SVEP1: variants seen among roughly 807,000 people sequenced by gnomAD.
SVEP1 encodes sushi, von Willebrand factor type A, EGF and pentraxin domain-containing protein 1.
Under a neutral mutation model 367.3 loss-of-function variants are expected in SVEP1, and 164 were observed. The ratio of observed to expected loss-of-function variants is 0.45; its 90% CI spans 0.39 to 0.51. The LOEUF (loss-of-function observed/expected upper bound fraction) is 0.51. SVEP1 is among the 20% of genes least tolerant of loss of function. The pLI is 0.00. For synonymous variants in SVEP1, 1,666 were observed against 1,611.6 expected, an observed-to-expected ratio of 1.03 and a Z score of -0.81; for missense variants, 4,117 against 4,425.3, an observed-to-expected ratio of 0.93 and a Z score of 1.98.
chr9:110,545,460 C>T (rs1027058956), intron 3 of SVEP1, among the ~76,000 whole-genome samples: 3 of 152,148 alleles, frequency 2.0e-5, no homozygotes, highest in Non-Finnish European at 4.4e-5. Context: ...AGTAGTCATT[C>T]CAATTCCATT....
At chr9:110,532,438 C>A (rs920179255) in intron 3 of SVEP1, among the ~76,000 whole-genome samples, 8 of 152,004 alleles carry the variant, frequency 5.3e-5, no homozygotes, top group African/African-American at 1.9e-4. Flanking sequence ...AACGGACACA[C>A]AAGGCATGAG....
chr9:110,540,244 G>T (rs1266181055), intron 3 of SVEP1, among the ~76,000 whole-genome samples: 1 of 152,000 alleles, frequency 6.6e-6, no homozygotes, highest in African/African-American at 2.4e-5. Flanking sequence ...AACAGAGGTG[G>T]AAATGTAAGT....
chr9:110,488,706 T>TA (rs144779681), intron 9 of SVEP1, among the ~76,000 whole-genome samples: 28,733 of 149,394 alleles, frequency 0.19, 3,285 homozygotes, highest in South Asian at 0.28. Context: ...ACAAAAAAAT[T>TA]AAAAAAAAAC....
intron 1 of SVEP1, among the ~76,000 whole-genome samples, chr9:110,552,024 C>CA (rs1554722940): frequency 1.3e-5 from 1 of 77,006 alleles, no homozygotes; most frequent in Non-Finnish European, 2.4e-5. Context: ...GGTACCCAAC[C>CA]TTTTTTTTTT....
chr9:110,572,315 G>A (rs1242000425), intron 1 of SVEP1, among the ~76,000 whole-genome samples: 1 of 152,140 alleles, frequency 6.6e-6, no homozygotes, highest in East Asian at 1.9e-4. Flanking sequence ...CAAAGCAGTT[G>A]GCTCTCTCCA....
chr9:110,569,282 C>A (rs1830526926), intron 1 of SVEP1, among the ~76,000 whole-genome samples: 1 of 151,868 alleles, frequency 6.6e-6, no homozygotes. Context: ...CAAGGAGAAA[C>A]CCCGTCTCTA....
intron 3 of SVEP1, 109 bp downstream of exon 3, chr9:110,546,006 C>T (rs1830215966): frequency 5.2e-6 from 7 of 1,340,652 alleles, no homozygotes; most frequent in Non-Finnish European, 3.1e-6. Flanking sequence ...TGCCACTGAC[C>T]CCACACACTA....
intron 24 of SVEP1, among the ~76,000 whole-genome samples, chr9:110,447,805 G>C (rs928433963): frequency 1.3e-5 from 2 of 152,170 alleles, no homozygotes; most frequent in Non-Finnish European, 2.9e-5. Flanking sequence ...GTTCATAGCA[G>C]GATCATTCTA....
Position 110,429,894 on chromosome 9 carries a change from A to T in SVEP1, c.5615+26T>A, listed in dbSNP as rs945056989. On this transcript the variant is annotated intron_variant, in intron 34 of 47. Transcript: ENST00000374469. Reference sequence around the variant, plus strand: ...CAGTATGCCATCAACATCTTCTACAATATAGTTTTAATCTTAGATACTTAC... The same window carrying T: ...CAGTATGCCATCAACATCTTCTACATTATAGTTTTAATCTTAGATACTTAC... The T allele has an allele frequency of 3.8e-6, 6 of 1,595,596 alleles. No homozygotes were observed. The African/African-American group carries it at 5.4e-5, about 14-fold the overall frequency.
At chr9:110,391,252 A>T (rs1487273211) in intron 40 of SVEP1, among the ~76,000 whole-genome samples, 1 of 147,988 alleles carries the variant, frequency 6.8e-6, no homozygotes. Context: ...CAGCAACCTG[A>T]TGGGTCATTA....
At chr9:110,560,732 T>A (rs984929373) in intron 1 of SVEP1, among the ~76,000 whole-genome samples, 25 of 152,280 alleles carry the variant, frequency 1.6e-4, no homozygotes, top group African/African-American at 5.8e-4. Flanking sequence ...CTGGGAGTAA[T>A]CTATGGTGCC....
rs1200092634 is a variant in SVEP1, at chr9:110,513,047, G to C, written c.1182C>G (p.Cys394Trp). The C allele has an allele frequency of 6.2e-7, 1 of 1,613,904 alleles. No homozygotes were observed. The change falls in exon 5 of 48, where the codon TGC (cysteine) becomes TGG (tryptophan). Residue 394 changes from cysteine to tryptophan, a missense_variant. By Grantham distance (215) the Cys-to-Trp change is radical. Around this residue, in one of 4 missense-constraint regions of SVEP1, gnomAD observed 2,174 missense variants for 2,494.3 expected, o/e 0.87. Coordinates refer to ENST00000374469, the MANE Select transcript of SVEP1 (RefSeq NM_153366.4). The stretch of plus-strand genomic sequence containing the variant: ...CACAGGCTGCATTGAAGTGGTTGTT[G>C]CAAGTGTTTTGGATAAAGTAACCAT... ...PENGYFIQNT[C>W]NNHFNAACGV...
At chr9:110,461,344 C>A (rs1828854929) in intron 18 of SVEP1, among the ~76,000 whole-genome samples, 1 of 152,132 alleles carries the variant, frequency 6.6e-6, no homozygotes, top group Non-Finnish European at 1.5e-5. Flanking sequence ...ATCTGGATAG[C>A]TTTAAAGCCA....
intron 22 of SVEP1, among the ~76,000 whole-genome samples, chr9:110,451,909 T>C (rs916203811): frequency 4.6e-5 from 7 of 152,208 alleles, no homozygotes; most frequent in African/African-American, 1.7e-4. Context: ...ACAACTAATG[T>C]TATTCATAGC....
Position 110,388,966 on chromosome 9 carries a change from TTAAAAA to T in SVEP1, c.9886+552_9886+557del, listed in dbSNP as rs61005301. 5.8e-4 allele frequency among the ~76,000 whole-genome samples: 88 copies of T among 152,038 alleles called. No individual in the cohort carries two copies. In the Middle Eastern group the frequency reaches 0.014, roughly 24 times the overall value. ...CCTGGGTGACAGAGTGAGACTCTATTTAAAAATAAAAATAAAAATACATAAATACAT... is the reference window on the plus strand; with the variant it reads ...CCTGGGTGACAGAGTGAGACTCTATTTAAAAATAAAAATACATAAATACAT... On this transcript the variant is annotated intron_variant, in intron 41 of 47. Coordinates refer to ENST00000374469, the MANE Select transcript of SVEP1 (RefSeq NM_153366.4).
chr9:110,539,646 A>G, intron 3 of SVEP1, among the ~76,000 whole-genome samples: 1 of 151,188 alleles, frequency 6.6e-6, no homozygotes, highest in South Asian at 2.1e-4. Flanking sequence ...TATGTGTTAC[A>G]TATATATGTA....
intron 17 of SVEP1, among the ~76,000 whole-genome samples, chr9:110,467,111 G>C (rs576182500): frequency 2.6e-5 from 4 of 152,276 alleles, no homozygotes; most frequent in African/African-American, 9.6e-5. Flanking sequence ...CCTGCATGCA[G>C]AACTATGGCA....
At chr9:110,565,748 G>A (rs1432645141) in intron 1 of SVEP1, among the ~76,000 whole-genome samples, 2 of 151,870 alleles carry the variant, frequency 1.3e-5, no homozygotes, top group African/African-American at 2.4e-5. Flanking sequence ...CTTCCGCTTG[G>A]TCATGGACAT....
chr9:110,390,061 A>G (rs1042451382), intron 40 of SVEP1, among the ~76,000 whole-genome samples: 5 of 142,354 alleles, frequency 3.5e-5, no homozygotes, highest in Non-Finnish European at 6.1e-5. Flanking sequence ...ACGTATATAT[A>G]TAAGTATATA....
Sources: allele counts gnomAD v4.1 joint callset (sites outside exome capture counted in the v4.1 genomes callset), GRCh38; gene constraint gnomAD v4.1.1; regional missense constraint gnomAD v4.1.1; transcripts MANE v1.5; gene names NCBI Gene and HGNC (gene_info 2026-07-23, HGNC 2026-07-21).